The following ELAPOR2 variants were observed in gnomAD, a reference collection of about 807,000 sequenced individuals.
The protein encoded by ELAPOR2 is endosome/lysosome-associated apoptosis and autophagy regulator family member 2.
In ELAPOR2, 89 loss-of-function variants were observed where a neutral mutation model predicts 120.7. The observed-to-expected ratio is 0.74, with a 90% CI of 0.62 to 0.88. The LOEUF (loss-of-function observed/expected upper bound fraction) is 0.88, where lower values mean the gene tolerates loss of function less well. ELAPOR2 is among the 40% of genes least tolerant of loss of function. The pLI is 0.00. For missense variants in ELAPOR2, 1,134 were observed against 1,251.6 expected (o/e 0.91, Z 1.42); for synonymous variants, 444 against 444.9 (o/e 1.00, Z 0.03).
intron 1 of ELAPOR2, among the ~76,000 whole-genome samples, chr7:87,049,698 G>T (rs760998493): frequency 3.3e-5 from 5 of 152,224 alleles, no homozygotes; most frequent in Admixed American, 3.3e-4. Context: ...AGGCAGAAAA[G>T]ATCCAGTACA....
At chr7:86,988,219 G>A (rs1375421641) in intron 1 of ELAPOR2, among the ~76,000 whole-genome samples, 1 of 152,128 alleles carries the variant, frequency 6.6e-6, no homozygotes, top group Non-Finnish European at 1.5e-5. Context: ...TGGGGGGAGG[G>A]ATAGCACTGG....
chr7:86,965,662 T>G, intron 1 of ELAPOR2: 1 of 270,190 alleles, frequency 3.7e-6, no homozygotes, highest in Non-Finnish European at 5.7e-6. Flanking sequence ...TTGATTGTTT[T>G]GAAATTCTCA....
chr7:86,997,327 C>T (rs1367756586), intron 1 of ELAPOR2, among the ~76,000 whole-genome samples: 2 of 152,130 alleles, frequency 1.3e-5, no homozygotes, highest in Non-Finnish European at 2.9e-5. Flanking sequence ...CACTATGGTT[C>T]TCCAGAGATT....
At chr7:87,056,825 T>G (rs1795277951) in intron 1 of ELAPOR2, among the ~76,000 whole-genome samples, 1 of 152,146 alleles carries the variant, frequency 6.6e-6, no homozygotes, top group African/African-American at 2.4e-5. Flanking sequence ...GGCAGGAAAA[T>G]CAGAGTTTAT....
intron 1 of ELAPOR2, among the ~76,000 whole-genome samples, chr7:87,022,923 G>T (rs1011282246): frequency 6.6e-6 from 1 of 151,924 alleles, no homozygotes; most frequent in Non-Finnish European, 1.5e-5. Context: ...TTTTGATGGG[G>T]TTGTTTTTTT....
intron 1 of ELAPOR2, among the ~76,000 whole-genome samples, chr7:86,981,754 G>A (rs1036213081): frequency 5.3e-5 from 8 of 152,200 alleles, no homozygotes; most frequent in African/African-American, 9.7e-5. Context: ...CGCAGAAGAC[G>A]GGTGATTTCT....
intron 18 of ELAPOR2, among the ~76,000 whole-genome samples, chr7:86,899,768 A>G (rs1788627679): frequency 1.3e-5 from 2 of 152,116 alleles, no homozygotes; most frequent in African/African-American, 4.8e-5. Context: ...CTGAGGCCCT[A>G]TGCCATATGT....
chr7:86,943,874 T>C (rs1269827090), intron 4 of ELAPOR2, among the ~76,000 whole-genome samples: 1 of 152,066 alleles, frequency 6.6e-6, no homozygotes, highest in African/African-American at 2.4e-5. Flanking sequence ...TAAAAGATAT[T>C]GTCACATAAT....
chr7:86,926,940 A>G, intron 8 of ELAPOR2, 24 bp from the exon 9 acceptor site: 1 of 1,459,348 alleles, frequency 6.9e-7, no homozygotes, highest in Non-Finnish European at 9.0e-7. Flanking sequence ...AAAAAAAAAA[A>G]AGCAACCAAG....
intron 2 of ELAPOR2, among the ~76,000 whole-genome samples, chr7:86,956,365 T>A (rs1303769092): frequency 6.6e-6 from 1 of 152,224 alleles, no homozygotes; most frequent in Admixed American, 6.5e-5. Context: ...TAGCATTTCC[T>A]AACTCACTGT....
Position 87,009,927 on chromosome 7 carries a change from T to C in ELAPOR2, c.190-44903A>G, listed in dbSNP as rs370224717. ...TTTAAAGAACATCCTTTAAAATCTG[T>C]ATATAAAATTCTTTTTATAAACACT... On this transcript the variant is annotated intron_variant, in intron 1 of 21. Coordinates refer to ENST00000450689, the MANE Select transcript of ELAPOR2 (RefSeq NM_001142749.3). 5.9e-5 allele frequency among the ~76,000 whole-genome samples: 9 copies of C among 152,322 alleles called. No individual in the cohort carries two copies. In the East Asian group the frequency reaches 1.5e-3, roughly 26 times the overall value.
chr7:86,906,428 G>A (rs1009004548), intron 18 of ELAPOR2, among the ~76,000 whole-genome samples: 2 of 152,134 alleles, frequency 1.3e-5, no homozygotes, highest in Non-Finnish European at 2.9e-5. Context: ...GAAACACGCA[G>A]TTGGTGAAAA....
At chr7:86,890,119 C>T (rs1007371017) in intron 21 of ELAPOR2, among the ~76,000 whole-genome samples, 9 of 151,874 alleles carry the variant, frequency 5.9e-5, no homozygotes, top group African/African-American at 2.2e-4. Flanking sequence ...GAAAATTCAT[C>T]AGAAACCAAC....
At position 87,023,186 on chromosome 7, in the gene ELAPOR2, G is replaced by T. The variant is rs56934509; in HGVS notation, c.189+36139C>A. 2.7e-3 allele frequency among the ~76,000 whole-genome samples: 416 copies of T among 152,200 alleles called. 2 individuals carry two copies. The highest frequency in any genetic ancestry group is 9.5e-3 in the African/African-American group (395 of 41,524). On this transcript the variant is annotated intron_variant, in intron 1 of 21. Coordinates refer to ENST00000450689, the MANE Select transcript of ELAPOR2 (RefSeq NM_001142749.3). ...TTGCCTAGGTTTTCTTCTAGGGTTT[G>T]TATGGTTTTAGGTCTAACATTTAAG...
chr7:86,945,513 G>C (rs940923959), intron 3 of ELAPOR2, among the ~76,000 whole-genome samples: 2 of 152,172 alleles, frequency 1.3e-5, no homozygotes, highest in African/African-American at 4.8e-5. Context: ...GAACTTGTCA[G>C]TGATGGACTT....
intron 1 of ELAPOR2, among the ~76,000 whole-genome samples, chr7:87,002,196 C>T (rs1358614375): frequency 6.6e-6 from 1 of 152,114 alleles, no homozygotes; most frequent in Non-Finnish European, 1.5e-5. Context: ...TAGCCCAGTC[C>T]AGTTTAAAGT....
At chr7:86,908,790 T>C (rs1584335583) in intron 16 of ELAPOR2, among the ~76,000 whole-genome samples, 1 of 152,126 alleles carries the variant, frequency 6.6e-6, no homozygotes, top group Non-Finnish European at 1.5e-5. Flanking sequence ...TGGGTCTTGT[T>C]GCCTGAATCT....
At chr7:86,929,898 T>A (rs1378474600) in intron 8 of ELAPOR2, among the ~76,000 whole-genome samples, 1 of 151,894 alleles carries the variant, frequency 6.6e-6, no homozygotes, top group African/African-American at 2.4e-5. Context: ...TCTGGCCATT[T>A]AAGACATGCC....
intron 19 of ELAPOR2, among the ~76,000 whole-genome samples, chr7:86,896,737 G>A (rs535391112): frequency 2.3e-4 from 35 of 152,084 alleles, no homozygotes; most frequent in African/African-American, 8.2e-4. Context: ...AGTGAAGCAG[G>A]CTCTCTCAAA....
Sources: allele counts gnomAD v4.1 joint callset (sites outside exome capture counted in the v4.1 genomes callset), GRCh38; gene constraint gnomAD v4.1.1; transcripts MANE v1.5; gene names NCBI Gene and HGNC (gene_info 2026-07-23, HGNC 2026-07-21).